CNNM2: variants seen among roughly 807,000 people sequenced by gnomAD.
CNNM2 encodes cyclin and CBS domain divalent metal cation transport mediator 2.
CNNM2 carries 12 observed loss-of-function variants against 66.9 expected under a neutral mutation model. The observed-to-expected ratio is 0.18, with a 90% CI of 0.11 to 0.29. CNNM2 has a LOEUF of 0.29. CNNM2 is among the 10% of genes least tolerant of loss of function. The pLI is 1.00. For missense variants in CNNM2, 705 were observed against 1,167.7 expected, an observed-to-expected ratio of 0.60 and a Z score of 5.77; for synonymous variants, 557 against 501.8, an observed-to-expected ratio of 1.11 and a Z score of -1.47.
In CNNM2 at chr10:103,042,282, A is replaced by G. The variant is rs769074868; in HGVS notation, c.1622-7425A>G. ...CTGCACCATTGCTCCCGGGCCCACCATCCTCCCTGGCTTGGCTTACTGGTA... is the reference window on the plus strand; with the variant it reads ...CTGCACCATTGCTCCCGGGCCCACCGTCCTCCCTGGCTTGGCTTACTGGTA... On this transcript the variant is annotated intron_variant, in intron 1 of 7. Transcript: ENST00000369878. 6.6e-5 allele frequency among the ~76,000 whole-genome samples: 10 copies of G among 152,186 alleles called. No individual in the cohort carries two copies. In the South Asian group the frequency reaches 1.4e-3, roughly 22 times the overall value.
At position 103,082,530 on chromosome 10, in the gene CNNM2, C is replaced by T. The variant is rs572854158; in HGVS notation, c.*5350C>T. The T allele has an allele frequency of 3.9e-4, 60 of 152,258 alleles. No homozygotes were observed. Among genetic ancestry groups the T allele is most frequent in the African/African-American group, 1.3e-3 (52 of 41,544 alleles). The allele number at this position is 152,258 out of a possible 1,614,324, so 9.4% of individuals were successfully genotyped here. ...TCCTTTAAACCCACAAATGTATATG[C>T]TTTATTTTATATTATTTATTATGTA... is the stretch of plus-strand genomic sequence containing the variant. On this transcript the variant is annotated 3_prime_UTR_variant, in exon 8 of 8. Coordinates refer to ENST00000369878, the MANE Select transcript of CNNM2 (RefSeq NM_017649.5).
intron 1 of CNNM2, among the ~76,000 whole-genome samples, chr10:103,035,407 T>G (rs1236335802): frequency 6.6e-6 from 1 of 152,038 alleles, no homozygotes; most frequent in Non-Finnish European, 1.5e-5. Context: ...TTCCAATGAG[T>G]GTACAGTGAG....
At chr10:102,960,986 T>A (rs948867116) in intron 1 of CNNM2, among the ~76,000 whole-genome samples, 3 of 151,918 alleles carry the variant, frequency 2.0e-5, no homozygotes, top group African/African-American at 7.2e-5. Flanking sequence ...CTCCGGTTTC[T>A]CTTGCCTCAG....
At chr10:103,050,591 T>C (rs753282076) in intron 2 of CNNM2, among the ~76,000 whole-genome samples, 5 of 151,838 alleles carry the variant, frequency 3.3e-5, no homozygotes, top group Non-Finnish European at 4.4e-5. Flanking sequence ...GACAACTGTT[T>C]ATACTTCCTT....
rs747928487 is a variant in CNNM2, at chr10:103,011,682, G to GTGTGTGTGTA, written c.1622-38022_1622-38021insGTGTGTATGT. On this transcript the variant is annotated intron_variant, in intron 1 of 7. Coordinates refer to ENST00000369878, the MANE Select transcript of CNNM2 (RefSeq NM_017649.5). ...TGTGTGTGTGTGTGTGTGTGTGTGT[G>GTGTGTGTGTA]TGTATGTATAATTTTTTTTTTTTGA... Among the ~76,000 whole-genome samples the GTGTGTGTGTA allele has an allele frequency of 0.012, 1,714 of 148,196 alleles. 16 individuals are homozygous for GTGTGTGTGTA. The highest frequency in any genetic ancestry group is 0.017 in the Non-Finnish European group (1,154 of 66,898).
chr10:103,009,725 G>C (rs2064303417), intron 1 of CNNM2, among the ~76,000 whole-genome samples: 1 of 142,222 alleles, frequency 7.0e-6, no homozygotes, highest in Non-Finnish European at 1.5e-5. Flanking sequence ...GAGAACCAGA[G>C]GGTGGGAGAT....
chr10:103,027,003 C>T (rs1047047327), intron 1 of CNNM2, among the ~76,000 whole-genome samples: 3 of 152,186 alleles, frequency 2.0e-5, no homozygotes, highest in Non-Finnish European at 2.9e-5. Flanking sequence ...ATATTGACCT[C>T]AAGTGAATTC....
intron 1 of CNNM2, chr10:103,027,477 A>G (rs1366652727): frequency 6.6e-6 from 1 of 152,228 alleles, no homozygotes; most frequent in East Asian, 1.9e-4. Context: ...GGGAGGGAGG[A>G]CAATCTCCAT....
chr10:103,070,159 A>T (rs575722915), intron 5 of CNNM2, among the ~76,000 whole-genome samples: 1 of 152,276 alleles, frequency 6.6e-6, no homozygotes, highest in East Asian at 1.9e-4. Flanking sequence ...CACTGTGAAC[A>T]TGGGCCTGTC....
At chr10:103,019,990 A>G (rs1219674232) in intron 1 of CNNM2, among the ~76,000 whole-genome samples, 1 of 151,888 alleles carries the variant, frequency 6.6e-6, no homozygotes, top group Non-Finnish European at 1.5e-5. Flanking sequence ...TTTCCAAATT[A>G]CTCCCCCATG....
At chr10:102,985,009 T>A (rs1481476640) in intron 1 of CNNM2, among the ~76,000 whole-genome samples, 1 of 152,194 alleles carries the variant, frequency 6.6e-6, no homozygotes, top group Non-Finnish European at 1.5e-5. Flanking sequence ...TTGCTAATAT[T>A]TTCTACACTT....
intron 1 of CNNM2, among the ~76,000 whole-genome samples, chr10:102,959,829 G>C (rs953537779): frequency 2.0e-5 from 3 of 152,154 alleles, no homozygotes; most frequent in Non-Finnish European, 4.4e-5. Context: ...AAGGAGGGTG[G>C]ATTACGAGGT....
At chr10:102,962,631 TTAAA>T (rs1248848697) in intron 1 of CNNM2, among the ~76,000 whole-genome samples, 1 of 151,994 alleles carries the variant, frequency 6.6e-6, no homozygotes, top group Non-Finnish European at 1.5e-5. Context: ...TACATAGCTA[TTAAA>T]TAATGCTTTC....
At chr10:103,015,768 G>A (rs765224563) in intron 1 of CNNM2, among the ~76,000 whole-genome samples, 25 of 152,086 alleles carry the variant, frequency 1.6e-4, no homozygotes, top group African/African-American at 7.2e-5. Flanking sequence ...CAGGAGAATC[G>A]CTTGAACCCG....
intron 6 of CNNM2, among the ~76,000 whole-genome samples, chr10:103,072,682 T>C (rs988458832): frequency 6.6e-6 from 1 of 152,256 alleles, no homozygotes; most frequent in Non-Finnish European, 1.5e-5. Flanking sequence ...AATCTGTCTT[T>C]AATTAAAATT....
chr10:103,009,110 C>T (rs1590387838), intron 1 of CNNM2, among the ~76,000 whole-genome samples: 1 of 152,194 alleles, frequency 6.6e-6, no homozygotes, highest in Non-Finnish European at 1.5e-5. Context: ...AACCCTGTCT[C>T]TACTAAAAAT....
intron 5 of CNNM2, among the ~76,000 whole-genome samples, chr10:103,069,794 G>GT (rs2065544429): frequency 6.6e-6 from 1 of 152,346 alleles, no homozygotes. Flanking sequence ...AGATGCTGGG[G>GT]TGCCACCTTG....
At chr10:102,952,779 G>A (rs773446770) in intron 1 of CNNM2, among the ~76,000 whole-genome samples, 1 of 152,150 alleles carries the variant, frequency 6.6e-6, no homozygotes, top group Middle Eastern at 3.2e-3. Context: ...AGCTCTATAG[G>A]ATGTGTTACG....
rs35654091 is a variant in CNNM2, at chr10:103,021,761, C to CAGA, written c.1622-27944_1622-27942dup. ...TCCTTTTTCTATGGACTCTTTCCCC[C>CAGA]AGAATACAACTCTATGGTTTCAAAA... On this transcript the variant is annotated intron_variant, in intron 1 of 7. Transcript: ENST00000369878. Among the ~76,000 whole-genome samples the CAGA allele has an allele frequency of 0.31, 46,745 of 151,800 alleles. 7,315 individuals carry two copies. Among genetic ancestry groups the CAGA allele is most frequent in the Middle Eastern group, 0.37 (109 of 294 alleles).
Sources: allele counts gnomAD v4.1 joint callset (sites outside exome capture counted in the v4.1 genomes callset), GRCh38; gene constraint gnomAD v4.1.1; transcripts MANE v1.5; gene names NCBI Gene and HGNC (gene_info 2026-07-23, HGNC 2026-07-21).